The following LGSN variants were observed in gnomAD, a reference collection of about 807,000 sequenced individuals.
LGSN encodes the protein lengsin, lens protein with glutamine synthetase domain.
In LGSN, 21 loss-of-function variants were observed where a neutral mutation model predicts 19.5. The observed-to-expected ratio is 1.07, with a 90% CI of 0.76 to 1.55. LGSN has a LOEUF of 1.55. Among genes scored for constraint, LGSN ranks in the 40% most tolerant of loss-of-function variants. LGSN has a pLI of 0.00. For synonymous variants in LGSN, 257 were observed against 215.6 expected, an observed-to-expected ratio of 1.19 and a Z score of -1.68; for missense variants, 673 against 608.5, an observed-to-expected ratio of 1.11 and a Z score of -1.12.
the LGSN span, among the ~76,000 whole-genome samples, chr6:63,565,526 TGATAA>T: frequency 1.9e-4 from 29 of 152,330 alleles, no homozygotes; most frequent in South Asian, 8.3e-4. Context: ...TATGATGACT[TGATAA>T]GATGTTACTT....
the LGSN span, among the ~76,000 whole-genome samples, chr6:63,412,718 G>GGAAGGAAGGAAAGAAAGAAAGAAA: frequency 1.8e-5 from 1 of 54,802 alleles, no homozygotes; most frequent in African/African-American, 1.4e-4. Flanking sequence ...AGGGAAGGAA[G>GGAAGGAAGGAAAGAAAGAAAGAAA]GAAAGAAAGA....
the LGSN span, among the ~76,000 whole-genome samples, chr6:63,499,651 A>T: frequency 6.6e-6 from 1 of 152,060 alleles, no homozygotes; most frequent in Non-Finnish European, 1.5e-5. Flanking sequence ...GCAATCTCCA[A>T]ATATGGGTTT....
chr6:63,362,165 C>T, the LGSN span, among the ~76,000 whole-genome samples: 1 of 152,112 alleles, frequency 6.6e-6, no homozygotes, highest in Non-Finnish European at 1.5e-5. Flanking sequence ...TTACAGTTAA[C>T]TTTTTAAATA....
the LGSN span, among the ~76,000 whole-genome samples, chr6:63,561,527 G>A: frequency 6.6e-6 from 1 of 152,132 alleles, no homozygotes; most frequent in African/African-American, 2.4e-5. Flanking sequence ...TCTTCCTTCT[G>A]TTCTCACAAT....
At chr6:63,379,530 T>G in the LGSN span, among the ~76,000 whole-genome samples, 3 of 152,230 alleles carry the variant, frequency 2.0e-5, no homozygotes, top group African/African-American at 4.8e-5. Context: ...TTATCTGTAT[T>G]GCCAATAAAA....
At chr6:63,437,812 C>A in the LGSN span, among the ~76,000 whole-genome samples, 1 of 152,066 alleles carries the variant, frequency 6.6e-6, no homozygotes, top group Non-Finnish European at 1.5e-5. Flanking sequence ...CACCTGTAAT[C>A]CCAGCTACTT....
chr6:63,349,397 G>A, the LGSN span, among the ~76,000 whole-genome samples: 449 of 152,240 alleles, frequency 2.9e-3, 3 homozygotes, highest in African/African-American at 0.01. Context: ...CCAACCCTTG[G>A]TGCAAAAACA....
the LGSN span, among the ~76,000 whole-genome samples, chr6:63,500,485 G>T: frequency 6.6e-6 from 1 of 151,668 alleles, no homozygotes; most frequent in South Asian, 2.1e-4. Context: ...GCAATGGTGT[G>T]ATCTCAGCTC....
the LGSN span, among the ~76,000 whole-genome samples, chr6:63,410,108 G>A: frequency 6.6e-6 from 1 of 152,074 alleles, no homozygotes; most frequent in Non-Finnish European, 1.5e-5. Context: ...TCTTAATATG[G>A]CTATGAAGAT....
intron 1 of LGSN, among the ~76,000 whole-genome samples, chr6:63,297,105 G>A (rs928468530): frequency 6.6e-6 from 1 of 152,074 alleles, no homozygotes; most frequent in Non-Finnish European, 1.5e-5. Flanking sequence ...ACTTTGAGAG[G>A]CCAAGGCGGG....
At chr6:63,334,988 A>G in the LGSN span, among the ~76,000 whole-genome samples, 1 of 151,786 alleles carries the variant, frequency 6.6e-6, no homozygotes, top group African/African-American at 2.4e-5. Context: ...AATACAAAAA[A>G]AAAAACTAGC....
At chr6:63,502,438 T>C in the LGSN span, among the ~76,000 whole-genome samples, 1 of 152,156 alleles carries the variant, frequency 6.6e-6, no homozygotes, top group Admixed American at 6.6e-5. Context: ...TTTTACATAA[T>C]TTCTGTGAGA....
intron 1 of LGSN, among the ~76,000 whole-genome samples, chr6:63,315,136 A>G (rs1038399378): frequency 2.6e-5 from 4 of 152,220 alleles, no homozygotes; most frequent in African/African-American, 9.6e-5. Flanking sequence ...TGTGCCTAAC[A>G]TATTGCCTAG....
chr6:63,572,780 C>T, the LGSN span: 3 of 398,252 alleles, frequency 7.5e-6, no homozygotes, highest in African/African-American at 4.1e-5. Flanking sequence ...CCCCCATCCC[C>T]GCTGTCGCCT....
the LGSN span, among the ~76,000 whole-genome samples, chr6:63,429,818 C>T: frequency 6.6e-6 from 1 of 152,000 alleles, no homozygotes; most frequent in Non-Finnish European, 1.5e-5. Flanking sequence ...ACCCAAGCTC[C>T]TCCTATCATT....
the LGSN span, among the ~76,000 whole-genome samples, chr6:63,382,000 T>C: frequency 1.3e-5 from 2 of 152,222 alleles, no homozygotes; most frequent in African/African-American, 2.4e-5. Flanking sequence ...ATGCTGAACC[T>C]ACTAGCACAC....
chr6:63,533,922 C>G, the LGSN span, among the ~76,000 whole-genome samples: 72 of 151,902 alleles, frequency 4.7e-4, no homozygotes, highest in African/African-American at 1.6e-3. Context: ...CGGCTCATTA[C>G]AACCTCTGCC....
chr6:63,385,478 T>C, the LGSN span, among the ~76,000 whole-genome samples: 7 of 152,254 alleles, frequency 4.6e-5, no homozygotes, highest in Non-Finnish European at 8.8e-5. Context: ...AATCATCCTA[T>C]TGATACAATC....
At chr6:63,346,787 C>T in the LGSN span, among the ~76,000 whole-genome samples, 6 of 151,738 alleles carry the variant, frequency 4.0e-5, no homozygotes, top group Non-Finnish European at 7.4e-5. Context: ...CTGGAACTTT[C>T]GAGCTCACCC....
Sources: allele counts gnomAD v4.1 joint callset (sites outside exome capture counted in the v4.1 genomes callset), GRCh38; gene constraint gnomAD v4.1.1; transcripts MANE v1.5; gene names NCBI Gene and HGNC (gene_info 2026-07-23, HGNC 2026-07-21).